ST6GALNAC3: variants seen among roughly 807,000 people sequenced by gnomAD.
The protein encoded by ST6GALNAC3 is alpha-N-acetylgalactosaminide alpha-2,6-sialyltransferase 3.
ST6GALNAC3 carries 25 observed loss-of-function variants against 32.7 expected under a neutral mutation model. The ratio of observed to expected loss-of-function variants is 0.76; its 90% CI spans 0.56 to 1.07. The LOEUF is 1.07. Among genes scored for constraint, ST6GALNAC3 ranks in the 50% least tolerant of loss-of-function variants. ST6GALNAC3 has a pLI of 0.00. For missense variants in ST6GALNAC3, 355 were observed against 382.4 expected, an observed-to-expected ratio of 0.93 and a Z score of 0.60; for synonymous variants, 129 against 133.1, an observed-to-expected ratio of 0.97 and a Z score of 0.21.
chr1:76,243,620 A>T (rs1209921433), intron 1 of ST6GALNAC3, among the ~76,000 whole-genome samples: 1 of 152,116 alleles, frequency 6.6e-6, no homozygotes, highest in African/African-American at 2.4e-5. Context: ...ATCTTGAGTT[A>T]ATTTTTGTAT....
intron 3 of ST6GALNAC3, among the ~76,000 whole-genome samples, chr1:76,458,928 G>T (rs1315882115): frequency 1.3e-5 from 2 of 151,052 alleles, no homozygotes; most frequent in African/African-American, 2.4e-5. Flanking sequence ...AAATAATCTT[G>T]TAAAAAAAAA....
intron 3 of ST6GALNAC3, among the ~76,000 whole-genome samples, chr1:76,448,917 C>T (rs1657182697): frequency 6.6e-6 from 1 of 152,200 alleles, no homozygotes; most frequent in South Asian, 2.1e-4. Context: ...AGCACCAAAA[C>T]CTCCACCTCC....
intron 3 of ST6GALNAC3, among the ~76,000 whole-genome samples, chr1:76,576,091 G>C (rs1646801854): frequency 6.6e-6 from 1 of 152,062 alleles, no homozygotes; most frequent in African/African-American, 2.4e-5. Context: ...ACAGGGAACA[G>C]GTGGCCAGTG....
chr1:76,241,939 A>T (rs745365962), intron 1 of ST6GALNAC3, among the ~76,000 whole-genome samples: 6 of 152,328 alleles, frequency 3.9e-5, no homozygotes, highest in Non-Finnish European at 7.3e-5. Flanking sequence ...GCAGGCGGAT[A>T]TCCTCTAATA....
chr1:76,347,251 G>T lies in ST6GALNAC3; in HGVS notation c.213+33252G>T, dbSNP rs149544013. ...TAACAATAGAGAATAAAACAGTAGA[G>T]AATAAAATGTTAGGATTTTATTGCC... On this transcript the variant is annotated intron_variant, in intron 2 of 4. Transcript: ENST00000328299. Among the ~76,000 whole-genome samples the T allele has an allele frequency of 3.1e-3, 468 of 152,206 alleles. 5 individuals are homozygous for T. Among genetic ancestry groups the T allele is most frequent in the Non-Finnish European group, 5.4e-3 (364 of 68,006 alleles).
At chr1:76,442,362 C>T (rs1269998464) in intron 3 of ST6GALNAC3, among the ~76,000 whole-genome samples, 1 of 152,156 alleles carries the variant, frequency 6.6e-6, no homozygotes, top group Non-Finnish European at 1.5e-5. Context: ...CCTGATGCCT[C>T]CCAAGTAATG....
At chr1:76,260,107 G>C (rs975456128) in intron 1 of ST6GALNAC3, among the ~76,000 whole-genome samples, 3 of 152,058 alleles carry the variant, frequency 2.0e-5, no homozygotes, top group Admixed American at 2.0e-4. Context: ...TAGGTGATCT[G>C]TGACTATGGC....
chr1:76,636,603 C>T (rs1391406929), downstream of ST6GALNAC3, among the ~76,000 whole-genome samples: 3 of 152,074 alleles, frequency 2.0e-5, no homozygotes, highest in African/African-American at 7.2e-5. Flanking sequence ...AAGAGAGGAC[C>T]TTATATGCAT....
chr1:76,081,493 C>T (rs538122358), intron 1 of ST6GALNAC3, among the ~76,000 whole-genome samples: 1 of 152,078 alleles, frequency 6.6e-6, no homozygotes, highest in Non-Finnish European at 1.5e-5. Flanking sequence ...CAGACAATAT[C>T]CAGTCTAGAC....
At chr1:76,196,167 G>T (rs139046400) in intron 1 of ST6GALNAC3, among the ~76,000 whole-genome samples, 8 of 152,148 alleles carry the variant, frequency 5.3e-5, no homozygotes, top group Admixed American at 3.9e-4. Context: ...TGTGAAAATG[G>T]AGTTTTGCTC....
chr1:76,240,889 A>G (rs940994359), intron 1 of ST6GALNAC3, among the ~76,000 whole-genome samples: 1 of 152,218 alleles, frequency 6.6e-6, no homozygotes, highest in Non-Finnish European at 1.5e-5. Flanking sequence ...CCCAAATTGT[A>G]AGGTACTTTT....
At chr1:76,636,181 G>C (rs1432048078), downstream of ST6GALNAC3, among the ~76,000 whole-genome samples, 4 of 152,084 alleles carry the variant, frequency 2.6e-5, 1 homozygote, top group Non-Finnish European at 5.9e-5. Flanking sequence ...GAGAGAATAT[G>C]GTTTCTTTTG....
chr1:76,198,786 A>G (rs955129022), intron 1 of ST6GALNAC3, among the ~76,000 whole-genome samples: 3 of 152,158 alleles, frequency 2.0e-5, no homozygotes, highest in Non-Finnish European at 2.9e-5. Flanking sequence ...TGTGACAGCC[A>G]AGTGGAGATT....
chr1:76,292,823 C>T (rs1171332051), intron 1 of ST6GALNAC3, among the ~76,000 whole-genome samples: 45 of 152,148 alleles, frequency 3.0e-4, no homozygotes, highest in Admixed American at 2.9e-3. Context: ...ACACTAAATG[C>T]TCAACAAACA....
intron 3 of ST6GALNAC3, among the ~76,000 whole-genome samples, chr1:76,490,765 T>A (rs1660445032): frequency 6.6e-6 from 1 of 152,010 alleles, no homozygotes; most frequent in Non-Finnish European, 1.5e-5. Flanking sequence ...AAACCTCCCA[T>A]CTTCATTCAA....
chr1:76,113,511 G>T (rs1648240123), intron 1 of ST6GALNAC3, among the ~76,000 whole-genome samples: 1 of 151,418 alleles, frequency 6.6e-6, no homozygotes. Context: ...CTTTTTTTTG[G>T]TTTATTTTGT....
intron 1 of ST6GALNAC3, among the ~76,000 whole-genome samples, chr1:76,090,953 C>T (rs1647036252): frequency 6.6e-6 from 1 of 152,228 alleles, no homozygotes; most frequent in Non-Finnish European, 1.5e-5. Context: ...TGCATTGCCA[C>T]TGGTCATTGC....
chr1:76,177,455 T>G (rs1652921064), intron 1 of ST6GALNAC3, among the ~76,000 whole-genome samples: 1 of 152,104 alleles, frequency 6.6e-6, no homozygotes. Flanking sequence ...TTGGTCTGTG[T>G]TTTAGGCTCT....
intron 2 of ST6GALNAC3, among the ~76,000 whole-genome samples, chr1:76,361,436 A>C (rs1440075964): frequency 6.6e-6 from 1 of 152,058 alleles, no homozygotes; most frequent in Non-Finnish European, 1.5e-5. Context: ...ATAATATTCC[A>C]TTTTACATAT....
Sources: gnomAD v4.1 joint callset for allele counts (sites outside exome capture counted in the v4.1 genomes callset) on GRCh38, gnomAD v4.1.1 for gene constraint, MANE v1.5 for transcripts, NCBI Gene and HGNC (gene_info 2026-07-23, HGNC 2026-07-21) for gene names.